The following NEK4 variants were observed in gnomAD, a reference collection of about 807,000 sequenced individuals.
The protein encoded by NEK4 is NIMA related kinase 4, also known as serine/threonine-protein kinase Nek4.
In NEK4, 86 loss-of-function variants were observed where a neutral mutation model predicts 98.4. That is an observed-to-expected ratio of 0.87 (90% CI 0.73 to 1.05). The LOEUF (loss-of-function observed/expected upper bound fraction) is 1.05. Among genes scored for constraint, NEK4 ranks in the 50% least tolerant of loss-of-function variants. The probability of loss-of-function intolerance (pLI) is 0.00; values close to 1 mark genes in which losing one functional copy is unlikely to be tolerated. For synonymous variants in NEK4, 328 were observed against 342.2 expected, an observed-to-expected ratio of 0.96 and a Z score of 0.46; for missense variants, 898 against 950.3, an observed-to-expected ratio of 0.94 and a Z score of 0.72.
intron 15 of NEK4, among the ~76,000 whole-genome samples, chr3:52,729,495 G>C (rs2097367572): frequency 6.6e-6 from 1 of 152,016 alleles, no homozygotes; most frequent in South Asian, 2.1e-4. Flanking sequence ...GATCACCTGA[G>C]GTCAGGAGTT....
At chr3:52,736,481 G>A (rs1279254349) in intron 15 of NEK4, among the ~76,000 whole-genome samples, 1 of 152,026 alleles carries the variant, frequency 6.6e-6, no homozygotes, top group Non-Finnish European at 1.5e-5. Context: ...AGCTACTCGG[G>A]AGGCTGAGGC....
chr3:52,763,611 G>C lies in NEK4; in HGVS notation c.680C>G (p.Pro227Arg), dbSNP rs772889417. 1 of 1,591,644 alleles carries C rather than the reference G, an allele frequency of 6.3e-7. No individual in the cohort carries two copies. The highest frequency in any genetic ancestry group is 2.2e-5 in the East Asian group (1 of 44,570). Residue 227 changes from proline (P) to arginine (R), a missense_variant, in exon 5 of 16, where the codon CCA becomes CGA. By Grantham distance (103) the Pro-to-Arg change is moderately radical (BLOSUM62 -2). Transcript: ENST00000233027. Reference sequence around the variant, plus strand: ...TGCCAGCTCTGGGCTGTAATCTCTTGGCATTGGTGGCAGCTACAAATAAAA... The same window carrying C: ...TGCCAGCTCTGGGCTGTAATCTCTTCGCATTGGTGGCAGCTACAAATAAAA... Reference protein sequence around the residue: ...RIIEGKLPPMPRDYSPELAEL... With the variant: ...RIIEGKLPPMRRDYSPELAEL...
At chr3:52,758,604 T>C (rs1022576069) in intron 6 of NEK4, among the ~76,000 whole-genome samples, 1 of 151,384 alleles carries the variant, frequency 6.6e-6, no homozygotes, top group African/African-American at 2.4e-5. Flanking sequence ...GAAGCTTTTG[T>C]GAAAAGGACA....
intron 13 of NEK4, among the ~76,000 whole-genome samples, 157 bp from the exon 14 acceptor site, chr3:52,739,791 A>G (rs543227898): frequency 6.6e-6 from 1 of 152,304 alleles, no homozygotes; most frequent in South Asian, 2.1e-4. Flanking sequence ...ACAACTATAA[A>G]CTCTAGAAAA....
chr3:52,736,243 G>C (rs1357776316), intron 15 of NEK4, among the ~76,000 whole-genome samples: 1 of 152,008 alleles, frequency 6.6e-6, no homozygotes, highest in Non-Finnish European at 1.5e-5. Context: ...CTTTTCTTCT[G>C]ATATTTTAAA....
At chr3:52,758,295 T>C (rs6762788) in intron 6 of NEK4, among the ~76,000 whole-genome samples, 16,929 of 151,908 alleles carry the variant, frequency 0.11, 2,488 homozygotes, top group African/African-American at 0.34. Context: ...AGTTCAGTTT[T>C]ACAATATGAG....
intron 1 of NEK4, 127 bp from the exon 2 acceptor site, chr3:52,768,731 A>G: frequency 1.2e-6 from 1 of 803,146 alleles, no homozygotes. Flanking sequence ...TAACCTATTC[A>G]TTTTGTTTTT....
At chr3:52,751,877 C>T in intron 7 of NEK4, 55 bp downstream of exon 7, 1 of 1,497,374 alleles carries the variant, frequency 6.7e-7, no homozygotes, top group South Asian at 1.3e-5. Flanking sequence ...ATATTTGTAA[C>T]TGCACTTTCA....
In NEK4 at chr3:52,752,017, C is replaced by T. The variant is rs575698152; in HGVS notation, c.1283G>A (p.Trp428Ter). ...TTCCCCAGTGACAATGTCAGAGGACCACATGGGAATCAGGTTTTCAGGCTG... is the reference window on the plus strand; with the variant it reads ...TTCCCCAGTGACAATGTCAGAGGACTACATGGGAATCAGGTTTTCAGGCTG... ...SAQPENLIPM[W>*]SSDIVTGEKN... Residue 428 changes from tryptophan to a stop codon, truncating the protein, a stop_gained, in exon 7 of 16, where the codon TGG becomes TAG. Coordinates refer to ENST00000233027, the MANE Select transcript of NEK4 (RefSeq NM_003157.6). LOFTEE classifies it high-confidence loss of function. 2 of 1,614,160 alleles carry T rather than the reference C, an allele frequency of 1.2e-6. No individual in the cohort carries two copies. Among genetic ancestry groups the T allele is most frequent in the East Asian group, 4.5e-5 (2 of 44,886 alleles).
At chr3:52,716,414 CAA>C (rs1425490779) in intron 15 of NEK4, among the ~76,000 whole-genome samples, 2 of 152,182 alleles carry the variant, frequency 1.3e-5, no homozygotes, top group East Asian at 3.8e-4. Flanking sequence ...ATGAATTTCC[CAA>C]AGAGGCCAGT....
At chr3:52,756,466 T>A (rs1462528379) in intron 6 of NEK4, among the ~76,000 whole-genome samples, 1 of 152,252 alleles carries the variant, frequency 6.6e-6, no homozygotes, top group Non-Finnish European at 1.5e-5. Context: ...TGTGGTCGAA[T>A]GATTTTTGAC....
At chr3:52,744,065 A>G (rs139723348) in intron 11 of NEK4, among the ~76,000 whole-genome samples, 174 bp downstream of exon 11, 213 of 152,270 alleles carry the variant, frequency 1.4e-3, no homozygotes, top group African/African-American at 4.7e-3. Context: ...TCAACACCCT[A>G]TGATGATTTC....
In NEK4 at chr3:52,718,472, C is replaced by CA. The variant is rs35974184; in HGVS notation, c.2434-6604dup. Among the ~76,000 whole-genome samples the CA allele has an allele frequency of 3.9e-3, 358 of 92,230 alleles. 1 individual carries two copies. Among genetic ancestry groups the CA allele is most frequent in the South Asian group, 0.023 (56 of 2,442 alleles). The allele number at this position is 92,230 out of a possible 152,430, so 60.5% of individuals were successfully genotyped here. On this transcript the variant is annotated intron_variant, in intron 15 of 15. Coordinates refer to ENST00000233027, the MANE Select transcript of NEK4 (RefSeq NM_003157.6). ...TGGGCGACAGAGTAAGACTCCGTCTCAAAAAAAAAAAAAAAAAAAAGAAAT... is the reference window on the plus strand; with the variant it reads ...TGGGCGACAGAGTAAGACTCCGTCTCAAAAAAAAAAAAAAAAAAAAAGAAAT...
At chr3:52,765,261 G>C (rs1037214514) in intron 4 of NEK4, among the ~76,000 whole-genome samples, 2 of 150,200 alleles carry the variant, frequency 1.3e-5, no homozygotes, top group Non-Finnish European at 2.9e-5. Flanking sequence ...TAAGGCACAA[G>C]AATCACTTGA....
intron 12 of NEK4, chr3:52,743,103 C>A: frequency 2.6e-6 from 1 of 377,840 alleles, no homozygotes; most frequent in Non-Finnish European, 4.9e-6. Context: ...CTGTTAAGAC[C>A]AACCTATGAA....
rs1169837540 is a variant in NEK4, at chr3:52,708,728, A to G, written c.*3049T>C. The stretch of plus-strand genomic sequence containing the variant: ...GCCTATAAGGCCATTTGAATAACGG[A>G]TCATGTACAAAGCAACAGGAAAAAA... On this transcript the variant is annotated 3_prime_UTR_variant, in exon 16 of 16. Transcript: ENST00000233027. The G allele has an allele frequency of 6.6e-6, 1 of 152,146 alleles. No homozygotes were observed. Among genetic ancestry groups the G allele is most frequent in the Non-Finnish European group, 1.5e-5 (1 of 68,030 alleles). The allele number at this position is 152,146 out of a possible 1,614,324, so 9.4% of individuals were successfully genotyped here.
At chr3:52,721,160 G>A (rs1315099937) in intron 15 of NEK4, among the ~76,000 whole-genome samples, 4 of 152,214 alleles carry the variant, frequency 2.6e-5, no homozygotes, top group Admixed American at 1.3e-4. Context: ...GAAGCAGCTT[G>A]CATGCTGCTT....
In NEK4 at chr3:52,766,162, C is replaced by T; in HGVS notation, c.558+16G>A. On this transcript the variant is annotated intron_variant, in intron 3 of 15. Transcript: ENST00000233027. ...CCCAGAGACAAGGTAAGCCAGCATACAGAGCCCAATCCTACCTTATAGTTG... is the reference window on the plus strand; with the variant it reads ...CCCAGAGACAAGGTAAGCCAGCATATAGAGCCCAATCCTACCTTATAGTTG... 1.2e-6 allele frequency: 2 copies of T among 1,610,684 alleles called. No homozygotes were observed. Among genetic ancestry groups the T allele is most frequent in the Non-Finnish European group, 1.7e-6 (2 of 1,177,300 alleles).
chr3:52,743,527 T>C (rs1227288495), intron 11 of NEK4, 66 bp from the exon 12 acceptor site: 2 of 1,258,126 alleles, frequency 1.6e-6, no homozygotes, highest in Non-Finnish European at 2.3e-6. Flanking sequence ...GGGCTTTGTA[T>C]TTGGTATGGA....
Sources: gnomAD v4.1 joint callset for allele counts (sites outside exome capture counted in the v4.1 genomes callset) on GRCh38, gnomAD v4.1.1 for gene constraint, MANE v1.5 for transcripts, NCBI Gene and HGNC (gene_info 2026-07-23, HGNC 2026-07-21) for gene names.